Variants in PCNX1 observed in about 807,000 individuals in gnomAD.
PCNX1 encodes the protein pecanex-like protein 1.
In PCNX1, 78 loss-of-function variants were observed where a neutral mutation model predicts 242.2. The ratio of observed to expected loss-of-function variants is 0.32; its 90% CI spans 0.27 to 0.39. The LOEUF (loss-of-function observed/expected upper bound fraction) is 0.39. Among genes scored for constraint, PCNX1 ranks in the 10% least tolerant of loss-of-function variants. PCNX1 has a pLI of 1.00. For synonymous variants in PCNX1, 1,024 were observed against 1,032.9 expected (o/e 0.99, Z 0.17); for missense variants, 2,581 against 2,856.5 (o/e 0.90, Z 2.20).
chr14:70,984,366 T>G (rs2058934322), intron 6 of PCNX1, among the ~76,000 whole-genome samples: 1 of 151,450 alleles, frequency 6.6e-6, no homozygotes. Context: ...ATTTCTTTCA[T>G]AAATTAATCA....
chr14:71,022,975 T>G (rs1174685391), intron 12 of PCNX1, among the ~76,000 whole-genome samples: 3 of 152,106 alleles, frequency 2.0e-5, no homozygotes, highest in Admixed American at 6.5e-5. Flanking sequence ...TACATAATAA[T>G]CTTATTTCCT....
intron 6 of PCNX1, among the ~76,000 whole-genome samples, chr14:70,986,428 T>C (rs986341200): frequency 1.3e-5 from 2 of 152,164 alleles, no homozygotes; most frequent in Non-Finnish European, 2.9e-5. Flanking sequence ...TAACAAAATA[T>C]AAATGGTGTA....
intron 28 of PCNX1, among the ~76,000 whole-genome samples, chr14:71,081,633 T>C (rs1259619045): frequency 3.3e-5 from 5 of 152,212 alleles, no homozygotes; most frequent in African/African-American, 1.2e-4. Flanking sequence ...CCATTTCTTC[T>C]AGACCTAGTT....
At chr14:70,961,328 A>G (rs1050011760) in intron 2 of PCNX1, among the ~76,000 whole-genome samples, 1 of 152,194 alleles carries the variant, frequency 6.6e-6, no homozygotes, top group South Asian at 2.1e-4. Flanking sequence ...ATATAGATCA[A>G]TGGAACAGAA....
At chr14:71,053,915 A>G (rs1336160190) in intron 24 of PCNX1, among the ~76,000 whole-genome samples, 1 of 152,122 alleles carries the variant, frequency 6.6e-6, no homozygotes, top group Non-Finnish European at 1.5e-5. Flanking sequence ...ATCTACCTGT[A>G]CATTCAGTCA....
At chr14:71,077,622 GTAGTA>G (rs1385153033) in intron 28 of PCNX1, among the ~76,000 whole-genome samples, 1 of 151,924 alleles carries the variant, frequency 6.6e-6, no homozygotes, top group Non-Finnish European at 1.5e-5. Context: ...ACTGAGCAGA[GTAGTA>G]TATCTTAAAA....
intron 11 of PCNX1, among the ~76,000 whole-genome samples, chr14:71,013,461 G>C (rs3784067): frequency 0.56 from 84,185 of 151,518 alleles, 24,682 homozygotes; most frequent in East Asian, 0.74. Flanking sequence ...ACAACTGCTA[G>C]TCAAAAGCCA....
chr14:70,952,388 A>G (rs2057819108), intron 2 of PCNX1, among the ~76,000 whole-genome samples: 1 of 152,222 alleles, frequency 6.6e-6, no homozygotes. Flanking sequence ...TATAAGCTTC[A>G]TGACATTCCT....
chr14:70,984,792 G>A (rs2058950009), intron 6 of PCNX1, among the ~76,000 whole-genome samples: 1 of 152,132 alleles, frequency 6.6e-6, no homozygotes, highest in Admixed American at 6.5e-5. Flanking sequence ...ATTAAATTTT[G>A]CTCTTTGGGC....
intron 1 of PCNX1, among the ~76,000 whole-genome samples, chr14:70,931,004 G>A (rs2056777150): frequency 6.6e-6 from 1 of 152,092 alleles, no homozygotes. Flanking sequence ...AAAACTGTAA[G>A]CCTTATTAAA....
intron 1 of PCNX1, among the ~76,000 whole-genome samples, chr14:70,921,330 G>T (rs2056366014): frequency 6.6e-6 from 1 of 151,982 alleles, no homozygotes; most frequent in Admixed American, 6.6e-5. Flanking sequence ...GTTGTTTTTG[G>T]CATTTTACTA....
chr14:71,019,245 G>T, intron 12 of PCNX1, 83 bp downstream of exon 12: 1 of 1,050,734 alleles, frequency 9.5e-7, no homozygotes, highest in South Asian at 1.9e-5. Context: ...CTGAATTATA[G>T]TAAGATAATT....
intron 5 of PCNX1, among the ~76,000 whole-genome samples, chr14:70,976,356 C>T (rs891117972): frequency 3.1e-5 from 2 of 63,798 alleles, no homozygotes; most frequent in African/African-American, 6.3e-5. Context: ...CTTTGTTGCT[C>T]TTTCTTTCTT....
At chr14:71,090,957 C>T (rs770322858) in intron 30 of PCNX1, among the ~76,000 whole-genome samples, 15 of 152,170 alleles carry the variant, frequency 9.9e-5, no homozygotes, top group African/African-American at 2.4e-4. Flanking sequence ...GCATTATTGC[C>T]GATATCAGTG....
In PCNX1 at chr14:71,013,182, A is replaced by T; in HGVS notation, c.2976A>T (p.Thr992=). Residue 992 remains threonine (T), a synonymous_variant, in exon 11 of 36, where the codon ACA becomes ACT. Transcript: ENST00000304743. ...TTGGCATTAACTTTGACAGACTCAC[A>T]CTTTTGGCCCTGTTTGATAGGTGAG... The part of the protein sequence containing the change: ...LWIGINFDRL[T]LLALFDRNRE... The T allele has an allele frequency of 6.2e-7, 1 of 1,613,682 alleles. No homozygotes were observed. The highest frequency in any genetic ancestry group is 8.5e-7 in the Non-Finnish European group (1 of 1,179,586).
intron 5 of PCNX1, among the ~76,000 whole-genome samples, chr14:70,974,187 C>T (rs1384985194): frequency 6.6e-6 from 1 of 150,436 alleles, no homozygotes; most frequent in Non-Finnish European, 1.5e-5. Flanking sequence ...AATATACGCC[C>T]ATATACCATT....
At chr14:71,075,735 A>G (rs564165486) in intron 27 of PCNX1, among the ~76,000 whole-genome samples, 2 of 151,032 alleles carry the variant, frequency 1.3e-5, no homozygotes, top group East Asian at 3.9e-4. Context: ...CATCTCTACT[A>G]AAAATACAAA....
At chr14:70,928,396 A>C (rs1052159456) in intron 1 of PCNX1, among the ~76,000 whole-genome samples, 22 of 152,228 alleles carry the variant, frequency 1.4e-4, no homozygotes, top group African/African-American at 5.3e-4. Context: ...TCAGGAACAA[A>C]TGGGAGAAAC....
intron 27 of PCNX1, among the ~76,000 whole-genome samples, chr14:71,074,128 C>A (rs1028352390): frequency 6.6e-6 from 1 of 152,168 alleles, no homozygotes; most frequent in African/African-American, 2.4e-5. Context: ...AAGTATTTCC[C>A]TATTTTACAA....
Sources: gnomAD v4.1 joint callset for allele counts (sites outside exome capture counted in the v4.1 genomes callset) on GRCh38, gnomAD v4.1.1 for gene constraint, MANE v1.5 for transcripts, NCBI Gene and HGNC (gene_info 2026-07-23, HGNC 2026-07-21) for gene names.